Variants in RERG observed in about 807,000 individuals in gnomAD.
RERG encodes RAS like estrogen regulated growth inhibitor.
In RERG, 25 loss-of-function variants were observed where a neutral mutation model predicts 23.2. That is an observed-to-expected ratio of 1.08 (90% CI 0.79 to 1.50). RERG has a LOEUF of 1.50. Ranked by LOEUF, RERG falls within the 40% of genes most tolerant of loss-of-function variation. The pLI, the probability that RERG is intolerant of heterozygous loss-of-function variation, is 0.00. For synonymous variants in RERG, 81 were observed against 89.1 expected (o/e 0.91, Z 0.51); for missense variants, 253 against 250.1 (o/e 1.01, Z -0.08).
At chr12:15,127,776 G>T (rs1863974147) in intron 2 of RERG, among the ~76,000 whole-genome samples, 2 of 152,134 alleles carry the variant, frequency 1.3e-5, no homozygotes, top group African/African-American at 4.8e-5. Context: ...ATGCCATTAG[G>T]TAAGTTTTAG....
intron 2 of RERG, among the ~76,000 whole-genome samples, chr12:15,199,691 T>A (rs999496285): frequency 8.6e-5 from 13 of 151,868 alleles, no homozygotes; most frequent in African/African-American, 2.9e-4. Flanking sequence ...ACACACACAC[T>A]CACTCATATA....
intron 3 of RERG, 44 bp downstream of exon 3, chr12:15,121,019 A>G (rs755074566): frequency 3.0e-6 from 4 of 1,335,512 alleles, no homozygotes; most frequent in Middle Eastern, 1.8e-4. Flanking sequence ...CTTTGGGGCC[A>G]TAAATTTTTA....
intron 2 of RERG, among the ~76,000 whole-genome samples, chr12:15,156,074 A>T (rs55766458): frequency 0.014 from 2,171 of 151,778 alleles, 48 homozygotes; most frequent in African/African-American, 0.049. Flanking sequence ...GTGATATAGT[A>T]ATTACATTCT....
At chr12:15,213,860 G>T (rs1865402212) in intron 2 of RERG, among the ~76,000 whole-genome samples, 1 of 152,238 alleles carries the variant, frequency 6.6e-6, no homozygotes, top group East Asian at 1.9e-4. Flanking sequence ...TTAATTTATT[G>T]GTGACACTAA....
In RERG at chr12:15,221,399, C is replaced by T. The variant is rs1865511497; in HGVS notation, c.-319G>A. On this transcript the variant is annotated 5_prime_UTR_variant, in exon 1 of 5. Transcript: ENST00000256953. ...GTCTCCTCACTCGCGCTCGCTCCGA[C>T]TAGCGGCGGAGGGACTGCGGCAGGA... 1 of 152,256 alleles carries T rather than the reference C, an allele frequency of 6.6e-6. No individual in the cohort carries two copies. The highest frequency in any genetic ancestry group is 1.5e-5 in the Non-Finnish European group (1 of 68,076). The allele number at this position is 152,256 out of a possible 1,614,324, so 9.4% of individuals were successfully genotyped here. A position where few individuals can be genotyped will look rare whatever the true frequency, so the allele number is the denominator to read the frequency against.
At chr12:15,182,613 C>A (rs1864940007) in intron 2 of RERG, among the ~76,000 whole-genome samples, 2 of 152,102 alleles carry the variant, frequency 1.3e-5, no homozygotes. Context: ...AATTGTGATG[C>A]AATAGCAATT....
intron 3 of RERG, among the ~76,000 whole-genome samples, chr12:15,119,730 G>A (rs1344588294): frequency 6.6e-6 from 1 of 152,052 alleles, no homozygotes; most frequent in African/African-American, 2.4e-5. Context: ...AATAATAAAT[G>A]TAGAAACATG....
chr12:15,187,517 T>C (rs1398675860), intron 2 of RERG, among the ~76,000 whole-genome samples: 1 of 152,076 alleles, frequency 6.6e-6, no homozygotes, highest in African/African-American at 2.4e-5. Flanking sequence ...TACATTTTCT[T>C]AGTCATTTAG....
rs869218147 is a variant in RERG at position 15,110,463 on chromosome 12, C to CTTTTTTTTTTTTTTTTTTTTTTTT, written c.192+857_192+880dup. Among the ~76,000 whole-genome samples the CTTTTTTTTTTTTTTTTTTTTTTTT allele has an allele frequency of 6.8e-5, 5 of 73,148 alleles. 1 individual carries two copies. Among genetic ancestry groups the CTTTTTTTTTTTTTTTTTTTTTTTT allele is most frequent in the African/African-American group, 2.4e-4 (4 of 16,782 alleles). The allele number at this position is 73,148 out of a possible 152,430, so 48.0% of individuals were successfully genotyped here. On this transcript the variant is annotated intron_variant, in intron 4 of 4. Transcript: ENST00000256953. ...CTGTCATTCCAGTGGCCATTTTTTT[C>CTTTTTTTTTTTTTTTTTTTTTTTT]TTTTTTTTTTTTTTTTTTTTTTTTT...
intron 2 of RERG, among the ~76,000 whole-genome samples, chr12:15,166,499 A>ATGATGGGGATGG (rs1331251799): frequency 6.7e-6 from 1 of 150,332 alleles, no homozygotes; most frequent in Non-Finnish European, 1.5e-5. Flanking sequence ...GATGATGATG[A>ATGATGGGGATGG]TGGGGATGGT....
chr12:15,208,596 A>C (rs573725756), intron 2 of RERG, among the ~76,000 whole-genome samples: 66 of 152,298 alleles, frequency 4.3e-4, no homozygotes, highest in African/African-American at 1.5e-3. Flanking sequence ...TGGAAGGTAC[A>C]TGGATCCTGT....
At chr12:15,180,906 G>C (rs1462484682) in intron 2 of RERG, among the ~76,000 whole-genome samples, 1 of 152,202 alleles carries the variant, frequency 6.6e-6, no homozygotes, top group Non-Finnish European at 1.5e-5. Flanking sequence ...AGCCCCATGA[G>C]TTGTAAAGAT....
intron 2 of RERG, among the ~76,000 whole-genome samples, chr12:15,130,826 G>A (rs868852144): frequency 2.0e-5 from 3 of 152,142 alleles, no homozygotes; most frequent in Non-Finnish European, 2.9e-5. Flanking sequence ...GCTAAGTGGT[G>A]TAATCTCCAA....
At chr12:15,138,825 A>G (rs1465119101) in intron 2 of RERG, among the ~76,000 whole-genome samples, 2 of 151,848 alleles carry the variant, frequency 1.3e-5, no homozygotes, top group African/African-American at 2.4e-5. Flanking sequence ...ATAAAGTCCA[A>G]TTATCAACCT....
intron 2 of RERG, among the ~76,000 whole-genome samples, chr12:15,167,225 G>A (rs79555850): frequency 0.016 from 2,430 of 152,296 alleles, 42 homozygotes; most frequent in Middle Eastern, 0.037. Flanking sequence ...TGGGTTGAAT[G>A]TGACTATCTG....
chr12:15,176,422 T>C (rs1864852003), intron 2 of RERG, among the ~76,000 whole-genome samples: 1 of 152,182 alleles, frequency 6.6e-6, no homozygotes, highest in Non-Finnish European at 1.5e-5. Context: ...AATTTAGTTA[T>C]GCTTTTTTTA....
intron 2 of RERG, among the ~76,000 whole-genome samples, chr12:15,177,709 G>A (rs1455863197): frequency 1.3e-5 from 2 of 152,056 alleles, no homozygotes; most frequent in Non-Finnish European, 2.9e-5. Context: ...CAAACATTTA[G>A]GCTCCACCTA....
chr12:15,133,043 T>A, intron 2 of RERG, among the ~76,000 whole-genome samples: 1 of 126,412 alleles, frequency 7.9e-6, no homozygotes, highest in East Asian at 2.4e-4. Flanking sequence ...TGTGGTAACT[T>A]TTTTTTTTTT....
At chr12:15,216,830 A>T (rs551888529) in intron 2 of RERG, among the ~76,000 whole-genome samples, 1 of 152,356 alleles carries the variant, frequency 6.6e-6, no homozygotes, top group South Asian at 2.1e-4. Flanking sequence ...GATAGTGAAC[A>T]AAGTCTCTGA....
Sources: allele counts gnomAD v4.1 joint callset (sites outside exome capture counted in the v4.1 genomes callset), GRCh38; gene constraint gnomAD v4.1.1; transcripts MANE v1.5; gene names NCBI Gene and HGNC (gene_info 2026-07-23, HGNC 2026-07-21).